Variants in LRRTM4 observed in about 807,000 individuals in gnomAD.
The protein encoded by LRRTM4 is leucine-rich repeat transmembrane neuronal protein 4.
Under a neutral mutation model 47.6 loss-of-function variants are expected in LRRTM4, and 25 were observed. That is an observed-to-expected ratio of 0.53 (90% CI 0.38 to 0.73). The LOEUF is 0.73. LRRTM4 is among the 30% of genes least tolerant of loss of function. The pLI is 0.00. For synonymous variants in LRRTM4, 311 were observed against 269.5 expected, an observed-to-expected ratio of 1.15 and a Z score of -1.51; for missense variants, 638 against 713.4, an observed-to-expected ratio of 0.89 and a Z score of 1.20.
At chr2:76,794,646 AT>A (rs533614795) in intron 3 of LRRTM4, among the ~76,000 whole-genome samples, 8 of 152,068 alleles carry the variant, frequency 5.3e-5, no homozygotes, top group African/African-American at 1.9e-4. Flanking sequence ...TAGTATTTAC[AT>A]TTTTTTGTTT....
chr2:77,006,946 T>A (rs1484465683), intron 3 of LRRTM4, among the ~76,000 whole-genome samples: 1 of 152,106 alleles, frequency 6.6e-6, no homozygotes, highest in African/African-American at 2.4e-5. Context: ...AAACATCCTT[T>A]GGCATCCAGG....
chr2:77,399,410 T>C (rs916798644), intron 3 of LRRTM4, among the ~76,000 whole-genome samples: 3 of 151,782 alleles, frequency 2.0e-5, no homozygotes, highest in Admixed American at 6.6e-5. Context: ...CTCACTTGTA[T>C]GTGGAATCTA....
At chr2:76,960,417 T>G (rs1558763470) in intron 3 of LRRTM4, among the ~76,000 whole-genome samples, 1 of 151,638 alleles carries the variant, frequency 6.6e-6, no homozygotes, top group Non-Finnish European at 1.5e-5. Flanking sequence ...GACACAAACA[T>G]CAAAATATTT....
intron 3 of LRRTM4, among the ~76,000 whole-genome samples, chr2:77,324,808 G>T (rs1670697215): frequency 6.6e-6 from 1 of 152,114 alleles, no homozygotes; most frequent in Non-Finnish European, 1.5e-5. Flanking sequence ...GAATTGATTG[G>T]ACAGGCATAC....
intron 3 of LRRTM4, among the ~76,000 whole-genome samples, chr2:77,231,815 A>C (rs1674974404): frequency 6.6e-6 from 1 of 152,208 alleles, no homozygotes; most frequent in Non-Finnish European, 1.5e-5. Context: ...TTATGTAAAC[A>C]CATGACTCTA....
chr2:77,083,783 CTTTTTTTTTTTTTTTTTTT>C (rs386390525), intron 3 of LRRTM4, among the ~76,000 whole-genome samples: 18 of 52,346 alleles, frequency 3.4e-4, no homozygotes, highest in Admixed American at 1.6e-3. Context: ...ACTGGACACA[CTTTTTTTTTTTTTTTTTTT>C]TTTTTTTTTT....
intron 3 of LRRTM4, among the ~76,000 whole-genome samples, chr2:76,894,598 A>C (rs1673352438): frequency 6.6e-6 from 1 of 151,954 alleles, no homozygotes; most frequent in African/African-American, 2.4e-5. Context: ...TAATGTTTCT[A>C]TTTCTAGGAT....
intron 3 of LRRTM4, among the ~76,000 whole-genome samples, chr2:77,071,169 A>C (rs1001663155): frequency 1.9e-4 from 29 of 152,172 alleles, no homozygotes; most frequent in African/African-American, 6.5e-4. Context: ...AAATCATCAA[A>C]ATCTTCGCAA....
At chr2:77,113,971 C>A (rs1169268120) in intron 3 of LRRTM4, among the ~76,000 whole-genome samples, 5 of 152,036 alleles carry the variant, frequency 3.3e-5, no homozygotes, top group Non-Finnish European at 7.4e-5. Context: ...ATAAGATCAC[C>A]AGGGGGTAAT....
intron 3 of LRRTM4, among the ~76,000 whole-genome samples, chr2:76,886,385 A>T: frequency 6.6e-6 from 1 of 152,140 alleles, no homozygotes; most frequent in Non-Finnish European, 1.5e-5. Context: ...TTTCTTAAAT[A>T]CTCATCAATC....
intron 3 of LRRTM4, among the ~76,000 whole-genome samples, chr2:77,421,623 C>A (rs1022138731): frequency 2.0e-5 from 3 of 151,952 alleles, no homozygotes; most frequent in Non-Finnish European, 2.9e-5. Context: ...AGGAGAATGG[C>A]GTGAACCCGG....
intron 3 of LRRTM4, among the ~76,000 whole-genome samples, chr2:77,018,258 G>A (rs1451919959): frequency 2.1e-5 from 1 of 48,528 alleles, no homozygotes; most frequent in Non-Finnish European, 3.6e-5. Flanking sequence ...GCTCTTGATT[G>A]CTTTTTTTTT....
chr2:77,333,106 C>A (rs966644532), intron 3 of LRRTM4, among the ~76,000 whole-genome samples: 4 of 152,184 alleles, frequency 2.6e-5, no homozygotes, highest in Non-Finnish European at 5.9e-5. Flanking sequence ...CTCTTCTTTG[C>A]CTTTCACCTT....
intron 3 of LRRTM4, among the ~76,000 whole-genome samples, chr2:76,857,779 T>G (rs1004985584): frequency 6.6e-6 from 1 of 152,190 alleles, no homozygotes; most frequent in Non-Finnish European, 1.5e-5. Flanking sequence ...CTGATTCATT[T>G]TAATTCCATA....
chr2:76,930,682 T>C (rs2103833059), intron 3 of LRRTM4, among the ~76,000 whole-genome samples: 1 of 152,230 alleles, frequency 6.6e-6, no homozygotes, highest in Admixed American at 6.5e-5. Flanking sequence ...GAGCAATGGA[T>C]GTGGAATCAG....
At chr2:76,911,643 G>T (rs768283002) in intron 3 of LRRTM4, among the ~76,000 whole-genome samples, 1 of 151,984 alleles carries the variant, frequency 6.6e-6, no homozygotes, top group Non-Finnish European at 1.5e-5. Context: ...AAAAGAAAGA[G>T]CCAGAGAGAG....
At chr2:77,130,822 C>CTGTT (rs1221439109) in intron 3 of LRRTM4, among the ~76,000 whole-genome samples, 1 of 52,032 alleles carries the variant, frequency 1.9e-5, no homozygotes, top group Non-Finnish European at 3.5e-5. Context: ...ATTATTTGTT[C>CTGTT]TATTTTTTTT....
At chr2:77,161,745 G>A (rs1292328811) in intron 3 of LRRTM4, among the ~76,000 whole-genome samples, 1 of 151,956 alleles carries the variant, frequency 6.6e-6, no homozygotes, top group Non-Finnish European at 1.5e-5. Context: ...GGGTCTGTAG[G>A]TAAACTCTTA....
intron 3 of LRRTM4, among the ~76,000 whole-genome samples, chr2:76,783,194 C>T (rs913379882): frequency 6.6e-6 from 1 of 152,128 alleles, no homozygotes; most frequent in Non-Finnish European, 1.5e-5. Context: ...TTCCTCACTA[C>T]CATGACTCCT....
Sources: allele counts gnomAD v4.1 joint callset (sites outside exome capture counted in the v4.1 genomes callset), GRCh38; gene constraint gnomAD v4.1.1; transcripts MANE v1.5; gene names NCBI Gene and HGNC (gene_info 2026-07-23, HGNC 2026-07-21).